The following UGCG variants were observed in gnomAD, a reference collection of about 807,000 sequenced individuals.
UGCG encodes ceramide glucosyltransferase.
A neutral mutation model predicts 49.5 loss-of-function variants in UGCG; 10 were observed. The ratio of observed to expected loss-of-function variants is 0.20; its 90% confidence interval spans 0.12 to 0.34. The LOEUF is 0.34. Among genes scored for constraint, UGCG ranks in the 10% least tolerant of loss-of-function variants. The pLI is 1.00. For missense variants in UGCG, 312 were observed against 483.7 expected (o/e 0.65, Z 3.33); for synonymous variants, 182 against 158.2 (o/e 1.15, Z -1.13).
intron 5 of UGCG, among the ~76,000 whole-genome samples, chr9:111,928,647 A>G (rs576639969): frequency 6.6e-6 from 1 of 152,334 alleles, no homozygotes; most frequent in Non-Finnish European, 1.5e-5. Context: ...GTCTGGGTTC[A>G]GGGTAGGTAG....
At chr9:111,916,043 T>G (rs867887413) in intron 2 of UGCG, among the ~76,000 whole-genome samples, 13 of 152,236 alleles carry the variant, frequency 8.5e-5, no homozygotes, top group Middle Eastern at 3.4e-3. Flanking sequence ...AAATATATAA[T>G]TTTTAAATAA....
chr9:111,923,788 A>G (rs971577707), intron 3 of UGCG, among the ~76,000 whole-genome samples: 2 of 152,034 alleles, frequency 1.3e-5, no homozygotes, highest in African/African-American at 4.8e-5. Context: ...GTGCATCACC[A>G]CGCCCAGCTA....
intron 6 of UGCG, among the ~76,000 whole-genome samples, chr9:111,930,937 C>T (rs1838414659): frequency 6.6e-6 from 1 of 152,232 alleles, no homozygotes; most frequent in East Asian, 1.9e-4. Context: ...GTTTACATGT[C>T]TTGTTGTTTG....
intron 1 of UGCG, among the ~76,000 whole-genome samples, chr9:111,905,227 A>T (rs533254498): frequency 2.0e-4 from 31 of 152,248 alleles, no homozygotes; most frequent in Admixed American, 2.0e-3. Flanking sequence ...TCCTCCATGA[A>T]CTGCCCCAAT....
chr9:111,917,972 A>G (rs549728051), intron 2 of UGCG, among the ~76,000 whole-genome samples: 7 of 152,298 alleles, frequency 4.6e-5, no homozygotes, highest in South Asian at 2.1e-4. Flanking sequence ...ACCTAAATCA[A>G]CTATCAGAGT....
Position 111,908,154 on chromosome 9 carries a change from G to A in UGCG, c.99-6451G>A, listed in dbSNP as rs1031426526. On this transcript the variant is annotated intron_variant, in intron 1 of 8. Coordinates refer to ENST00000374279, the MANE Select transcript of UGCG (RefSeq NM_003358.3). ...CTAGTGCGAGGACAGAGTCAGTGCT[G>A]CACACTAGTTATAATAACCTCAAAC... Among the ~76,000 whole-genome samples, 24 of 152,128 alleles carry A rather than the reference G, an allele frequency of 1.6e-4. No individual in the cohort carries two copies. The South Asian group carries it at 1.7e-3, about 11-fold the overall frequency.
chr9:111,928,364 T>C (rs1838362760), intron 5 of UGCG, among the ~76,000 whole-genome samples: 1 of 152,204 alleles, frequency 6.6e-6, no homozygotes. Flanking sequence ...CTTAGAAATA[T>C]CCAAATTGAT....
chr9:111,923,363 GTTT>G (rs34690862), intron 3 of UGCG, among the ~76,000 whole-genome samples: 3 of 146,262 alleles, frequency 2.1e-5, no homozygotes, highest in African/African-American at 4.9e-5. Context: ...TGCCATTAGT[GTTT>G]TTTTTTTTTT....
chr9:111,900,178 G>A (rs1378382604), intron 1 of UGCG, among the ~76,000 whole-genome samples: 1 of 151,296 alleles, frequency 6.6e-6, no homozygotes, highest in Non-Finnish European at 1.5e-5. Context: ...TGGGGCCTAA[G>A]GTGAAATTGT....
In UGCG at chr9:111,931,254, AT is replaced by A; in HGVS notation, c.738-15del. ...GTTCATCATCATAACTTATTTTCTAATTATCTTAATTTTCAGAGGTTGGAGG... is the reference window on the plus strand; with the variant it reads ...GTTCATCATCATAACTTATTTTCTAATATCTTAATTTTCAGAGGTTGGAGG... On this transcript the variant is annotated splice_polypyrimidine_tract_variant and intron_variant, in intron 6 of 8. Coordinates refer to ENST00000374279, the MANE Select transcript of UGCG (RefSeq NM_003358.3). 2 of 1,611,708 alleles carry A rather than the reference AT, an allele frequency of 1.2e-6. No individual in the cohort carries two copies. Among genetic ancestry groups the A allele is most frequent in the Non-Finnish European group, 1.7e-6 (2 of 1,178,568 alleles).
intron 2 of UGCG, among the ~76,000 whole-genome samples, chr9:111,917,635 T>C (rs1838133324): frequency 6.6e-6 from 1 of 152,212 alleles, no homozygotes. Flanking sequence ...TTTACTTAAT[T>C]TTGGACATGT....
intron 1 of UGCG, among the ~76,000 whole-genome samples, chr9:111,900,716 A>G (rs573928833): frequency 5.0e-4 from 76 of 151,570 alleles, no homozygotes; most frequent in African/African-American, 1.7e-3. Flanking sequence ...CTGGTCTTGA[A>G]CTCCTGGACT....
intron 1 of UGCG, among the ~76,000 whole-genome samples, chr9:111,904,847 A>T (rs1222662204): frequency 6.6e-6 from 1 of 152,126 alleles, no homozygotes; most frequent in Non-Finnish European, 1.5e-5. Context: ...GGGCAACAAG[A>T]GCAAAACTTT....
At chr9:111,925,342 A>G (rs896443437) in intron 4 of UGCG, among the ~76,000 whole-genome samples, 3 of 152,254 alleles carry the variant, frequency 2.0e-5, no homozygotes, top group South Asian at 2.1e-4. Flanking sequence ...CCTTTCATAT[A>G]CTGAAATTAT....
chr9:111,908,196 A>G (rs956794267), intron 1 of UGCG, among the ~76,000 whole-genome samples: 2 of 152,218 alleles, frequency 1.3e-5, no homozygotes, highest in African/African-American at 4.8e-5. Context: ...CAACCCAAAC[A>G]TCCATCAACA....
chr9:111,908,687 T>G (rs1311470677), intron 1 of UGCG, among the ~76,000 whole-genome samples: 1 of 152,216 alleles, frequency 6.6e-6, no homozygotes, highest in Non-Finnish European at 1.5e-5. Context: ...AAGCAAGTCG[T>G]CTGCCCTAGG....
At chr9:111,922,771 T>G in intron 2 of UGCG, 78 bp from the exon 3 acceptor site, 1 of 1,008,524 alleles carries the variant, frequency 9.9e-7, no homozygotes, top group Non-Finnish European at 1.4e-6. Flanking sequence ...TTTCCTGTGC[T>G]TTTTGTTCAA....
chr9:111,932,804 A>T, intron 8 of UGCG, 23 bp from the exon 9 acceptor site: 1 of 1,533,230 alleles, frequency 6.5e-7, no homozygotes, highest in Non-Finnish European at 8.8e-7. Context: ...GTGAAATTAA[A>T]AAATTTTTTT....
chr9:111,912,304 G>A (rs746917435), intron 1 of UGCG, among the ~76,000 whole-genome samples: 8 of 152,030 alleles, frequency 5.3e-5, no homozygotes, highest in Non-Finnish European at 8.8e-5. Context: ...CTGGCTGGCT[G>A]TAGTGGTTCA....
Sources: gnomAD v4.1 joint callset for allele counts (sites outside exome capture counted in the v4.1 genomes callset) on GRCh38, gnomAD v4.1.1 for gene constraint, MANE v1.5 for transcripts, NCBI Gene and HGNC (gene_info 2026-07-23, HGNC 2026-07-21) for gene names.